The following TMPRSS11E variants were observed in gnomAD, a reference collection of about 807,000 sequenced individuals.
TMPRSS11E encodes transmembrane serine protease 11E.
A neutral mutation model predicts 48.1 loss-of-function variants in TMPRSS11E; 38 were observed. The ratio of observed to expected loss-of-function variants is 0.79; its 90% confidence interval spans 0.61 to 1.04. The LOEUF is 1.04. Ranked by LOEUF, TMPRSS11E falls within the 50% of genes least tolerant of loss-of-function variation. The probability of loss-of-function intolerance (pLI) is 0.00; values close to 1 mark genes in which losing one functional copy is unlikely to be tolerated. For synonymous variants in TMPRSS11E, 158 were observed against 171.9 expected (o/e 0.92, Z 0.63); for missense variants, 530 against 510.8 (o/e 1.04, Z -0.36).
At chr4:68,484,119 G>C (rs1216448162) in intron 9 of TMPRSS11E, among the ~76,000 whole-genome samples, 1 of 152,164 alleles carries the variant, frequency 6.6e-6, no homozygotes. Context: ...GGCTATTAAG[G>C]CTCTTTTTTG....
At chr4:68,486,592 T>A (rs1367169258) in intron 9 of TMPRSS11E, among the ~76,000 whole-genome samples, 1 of 152,214 alleles carries the variant, frequency 6.6e-6, no homozygotes, top group Non-Finnish European at 1.5e-5. Flanking sequence ...CATATGCAGA[T>A]GAAAAGAATG....
At chr4:68,457,073 A>G (rs1026381928) in intron 1 of TMPRSS11E, among the ~76,000 whole-genome samples, 5 of 152,334 alleles carry the variant, frequency 3.3e-5, no homozygotes, top group Admixed American at 3.3e-4. Flanking sequence ...ATTAAACTAA[A>G]GAGCCTCTGC....
At chr4:68,471,683 G>A in intron 5 of TMPRSS11E, 60 bp downstream of exon 5, 1 of 1,366,770 alleles carries the variant, frequency 7.3e-7, no homozygotes. Flanking sequence ...TTTGATCTTG[G>A]CACTTATTAA....
rs541203656 is a variant in TMPRSS11E at position 68,463,781 on chromosome 4, G to T, written c.136+1836G>T. Among the ~76,000 whole-genome samples the T allele has an allele frequency of 2.6e-4, 40 of 152,210 alleles. 1 individual carries two copies. The South Asian group carries it at 7.7e-3, about 29-fold the overall frequency. On this transcript the variant is annotated intron_variant, in intron 2 of 9. Coordinates refer to ENST00000305363, the MANE Select transcript of TMPRSS11E (RefSeq NM_014058.4). ...ATCAGAATCTTGGCACATGTTATGT[G>T]CTTTATAAATATTTATTAAATACTG...
In TMPRSS11E at chr4:68,477,547, G is replaced by A. The variant is rs775829940; in HGVS notation, c.886G>A (p.Val296Ile). ...PVPYTNAVHRVCLPDASYEFQ... is the reference protein window; with the variant it reads ...PVPYTNAVHRICLPDASYEFQ... ...TCCCTACACAAATGCAGTACATAGA[G>A]TTTGTCTCCCTGATGCATCCTATGA... The change falls in exon 8 of 10, where the codon GTT becomes ATT. Residue 296 changes from valine (V) to isoleucine (I), a missense_variant. Val to Ile is a conservative substitution (Grantham distance 29, BLOSUM62 3). Coordinates refer to ENST00000305363, the MANE Select transcript of TMPRSS11E (RefSeq NM_014058.4). 30 of 1,613,958 alleles carry A rather than the reference G, an allele frequency of 1.9e-5. No homozygotes were observed. The highest frequency in any genetic ancestry group is 2.3e-5 in the Non-Finnish European group (27 of 1,179,978).
chr4:68,461,039 C>G (rs1323670730), intron 1 of TMPRSS11E, among the ~76,000 whole-genome samples: 1 of 152,056 alleles, frequency 6.6e-6, no homozygotes, highest in Admixed American at 6.6e-5. Flanking sequence ...TGCCACCATG[C>G]CCGGCTAATT....
intron 9 of TMPRSS11E, among the ~76,000 whole-genome samples, chr4:68,483,441 G>C (rs938196327): frequency 6.6e-6 from 1 of 152,112 alleles, no homozygotes; most frequent in Non-Finnish European, 1.5e-5. Flanking sequence ...TATTCAAACT[G>C]TATCTATGTT....
Position 68,476,722 on chromosome 4 carries a change from C to T in TMPRSS11E, c.707+284C>T, listed in dbSNP as rs549805089. 1.9e-3 allele frequency among the ~76,000 whole-genome samples: 291 copies of T among 152,218 alleles called. 1 individual carries two copies. Among genetic ancestry groups the T allele is most frequent in the African/African-American group, 6.8e-3 (281 of 41,540 alleles). On this transcript the variant is annotated intron_variant, in intron 7 of 9. Transcript: ENST00000305363. Reference sequence around the variant, plus strand: ...TCATTTTTGGATTTGAATTTGCTGTCAAACAGGAGTGCTCTATCTCTGCTG... The same window carrying T: ...TCATTTTTGGATTTGAATTTGCTGTTAAACAGGAGTGCTCTATCTCTGCTG...
chr4:68,478,744 C>T (rs1578141522), intron 8 of TMPRSS11E, 105 bp from the exon 9 acceptor site: 7 of 1,256,030 alleles, frequency 5.6e-6, no homozygotes, highest in South Asian at 4.3e-5. Flanking sequence ...CGTTAGTCAC[C>T]GTGCCTGGCC....
At chr4:68,494,192 C>A (rs1483571450) in intron 9 of TMPRSS11E, among the ~76,000 whole-genome samples, 1 of 152,110 alleles carries the variant, frequency 6.6e-6, no homozygotes, top group Non-Finnish European at 1.5e-5. Context: ...ACCTGTGTCT[C>A]CAGAATTCAA....
intron 1 of TMPRSS11E, among the ~76,000 whole-genome samples, chr4:68,458,629 A>G (rs1560547528): frequency 6.6e-6 from 1 of 152,184 alleles, no homozygotes. Context: ...TCACTTTACT[A>G]CTTTCTTTGA....
chr4:68,483,727 T>C (rs1729474998), intron 9 of TMPRSS11E, among the ~76,000 whole-genome samples: 1 of 152,236 alleles, frequency 6.6e-6, no homozygotes, highest in South Asian at 2.1e-4. Context: ...TCCAGAATGG[T>C]AGTTCCTAGG....
At chr4:68,452,087 C>A (rs1487330580) in intron 1 of TMPRSS11E, among the ~76,000 whole-genome samples, 1 of 151,854 alleles carries the variant, frequency 6.6e-6, no homozygotes, top group Non-Finnish European at 1.5e-5. Context: ...AGGAAGGGAA[C>A]AAAATGCTCA....
intron 9 of TMPRSS11E, among the ~76,000 whole-genome samples, chr4:68,484,848 G>A (rs1292542380): frequency 2.6e-5 from 4 of 152,208 alleles, no homozygotes; most frequent in Non-Finnish European, 5.9e-5. Context: ...GAGCCTTTGG[G>A]CAGAGACTGT....
chr4:68,458,537 T>TC (rs1285436523), intron 1 of TMPRSS11E, among the ~76,000 whole-genome samples: 2 of 152,160 alleles, frequency 1.3e-5, no homozygotes, highest in Non-Finnish European at 2.9e-5. Context: ...GATGAAAATA[T>TC]TGACTGGACA....
rs1729220672 is a variant in TMPRSS11E, at chr4:68,476,419, G to T, written c.688G>T (p.Ala230Ser). 6.2e-7 allele frequency: 1 copy of T among 1,612,196 alleles called. No homozygotes were observed. Among genetic ancestry groups the T allele is most frequent in the African/African-American group, 1.3e-5 (1 of 74,906 alleles). The change falls in exon 7 of 10, where the codon GCT (alanine) becomes TCT (serine). Residue 230 changes from alanine to serine, a missense_variant. By Grantham distance (99) the Ala-to-Ser change is moderately conservative (BLOSUM62 1). Coordinates refer to ENST00000305363, the MANE Select transcript of TMPRSS11E (RefSeq NM_014058.4). ...TLINATWLVS[A>S]AHCFTTYKNP... ...AATTAATGCCACATGGCTTGTGAGT[G>T]CTGCTCACTGTTTTACAACGTAAGT... is the stretch of plus-strand genomic sequence containing the variant.
intron 9 of TMPRSS11E, among the ~76,000 whole-genome samples, chr4:68,483,348 G>A (rs1460660707): frequency 5.3e-5 from 8 of 152,142 alleles, no homozygotes; most frequent in Non-Finnish European, 2.9e-5. Context: ...TGCTGTCAGG[G>A]ATCCGTTACC....
chr4:68,447,523 G>C lies in TMPRSS11E; in HGVS notation c.11G>C (p.Arg4Pro), dbSNP rs185436714. 2.4e-5 allele frequency: 38 copies of C among 1,608,708 alleles called. No individual in the cohort carries two copies. Among genetic ancestry groups the C allele is most frequent in the Non-Finnish European group, 3.2e-5 (38 of 1,177,016 alleles). MMY[R>P]PDVVRARKRV... The stretch of plus-strand genomic sequence containing the variant: ...CATTGCTGGTTGGCAATGATGTATC[G>C]GTGAGTTAGTTCCCTTTTTCTTTCT... Residue 4 changes from arginine (R) to proline (P), a missense_variant and splice_region_variant, in exon 1 of 10, where the codon CGG becomes CCG. Transcript: ENST00000305363.
rs763392557 is a variant in TMPRSS11E, at chr4:68,461,811, T to C, written c.12-10T>C. On this transcript the variant is annotated splice_polypyrimidine_tract_variant and intron_variant, in intron 1 of 9. Coordinates refer to ENST00000305363, the MANE Select transcript of TMPRSS11E (RefSeq NM_014058.4). The stretch of plus-strand genomic sequence containing the variant: ...TCTGAAATAATCTATCTATTTATTT[T>C]CTTCCTTAGGCCAGATGTGGTGAGG... 2 of 1,614,024 alleles carry C rather than the reference T, an allele frequency of 1.2e-6. No individual in the cohort carries two copies. The highest frequency in any genetic ancestry group is 1.3e-5 in the African/African-American group (1 of 74,946).
Sources: gnomAD v4.1 joint callset for allele counts (sites outside exome capture counted in the v4.1 genomes callset) on GRCh38, gnomAD v4.1.1 for gene constraint, MANE v1.5 for transcripts, NCBI Gene and HGNC (gene_info 2026-07-23, HGNC 2026-07-21) for gene names.